Variants in CREB5 observed in about 807,000 individuals in gnomAD.
CREB5 encodes cyclic AMP-responsive element-binding protein 5.
In CREB5, 19 loss-of-function variants were observed where a neutral mutation model predicts 57.1. The observed-to-expected ratio is 0.33, with a 90% confidence interval of 0.23 to 0.49. CREB5 has a LOEUF of 0.49. CREB5 is among the 20% of genes least tolerant of loss of function. CREB5 has a pLI of 0.99. For synonymous variants in CREB5, 238 were observed against 238.3 expected (o/e 1.00, Z 0.01); for missense variants, 579 against 671.6 (o/e 0.86, Z 1.52).
intron 4 of CREB5, among the ~76,000 whole-genome samples, chr7:28,537,463 T>C (rs1045431258): frequency 3.7e-4 from 35 of 95,652 alleles, no homozygotes; most frequent in Admixed American, 7.3e-4. Context: ...GCTCACCTGA[T>C]GCAAATGCCT....
chr7:28,526,715 C>G (rs2128619322), intron 4 of CREB5, among the ~76,000 whole-genome samples: 1 of 152,348 alleles, frequency 6.6e-6, no homozygotes, highest in Non-Finnish European at 1.5e-5. Flanking sequence ...ACTGGCCACG[C>G]TGAGAAGCCG....
intron 4 of CREB5, among the ~76,000 whole-genome samples, chr7:28,511,055 A>C (rs1029243068): frequency 2.0e-5 from 3 of 152,164 alleles, no homozygotes; most frequent in Admixed American, 6.5e-5. Flanking sequence ...AAGATGATAA[A>C]AAACAAACAA....
At chr7:28,363,602 C>T (rs1786531333) in intron 1 of CREB5, among the ~76,000 whole-genome samples, 1 of 151,662 alleles carries the variant, frequency 6.6e-6, no homozygotes, top group African/African-American at 2.4e-5. Context: ...GAATCCCTTA[C>T]TAGATAATAA....
rs1808575895 is a variant in CREB5 at position 28,804,445 on chromosome 7, C to T, written c.949C>T (p.His317Tyr). The change falls in exon 8 of 11, where the codon CAT becomes TAT. Residue 317 changes from histidine (H) to tyrosine (Y), a missense_variant. Coordinates refer to ENST00000357727, the MANE Select transcript of CREB5 (RefSeq NM_182898.4). ...GCAGAACCATCCACATCACCACTCC[C>T]ATTCCCACCTTCATGCACACCCAGC... ...HQQNHPHHHS[H>Y]SHLHAHPAHH... 1.9e-6 allele frequency: 3 copies of T among 1,614,172 alleles called. No homozygotes were observed. Among genetic ancestry groups the T allele is most frequent in the Non-Finnish European group, 2.5e-6 (3 of 1,180,028 alleles).
chr7:28,428,586 G>C (rs1206687527), intron 1 of CREB5, among the ~76,000 whole-genome samples: 1 of 152,194 alleles, frequency 6.6e-6, no homozygotes, highest in Non-Finnish European at 1.5e-5. Context: ...TATTTGACCT[G>C]AGACAAGGAT....
At chr7:28,562,220 G>A (rs576291971) in intron 4 of CREB5, among the ~76,000 whole-genome samples, 1 of 152,246 alleles carries the variant, frequency 6.6e-6, no homozygotes, top group African/African-American at 2.4e-5. Context: ...ACAGTAATGT[G>A]GGAGATGAGA....
chr7:28,691,037 C>T (rs969087381), intron 5 of CREB5, among the ~76,000 whole-genome samples: 1 of 152,160 alleles, frequency 6.6e-6, no homozygotes, highest in Non-Finnish European at 1.5e-5. Flanking sequence ...ATGCTTACTG[C>T]CCTGTGGCAC....
chr7:28,668,093 T>G (rs1482091802), intron 5 of CREB5, among the ~76,000 whole-genome samples: 7 of 152,204 alleles, frequency 4.6e-5, no homozygotes, highest in Admixed American at 4.6e-4. Context: ...ATAGTTAGGT[T>G]GTACCACGTT....
chr7:28,518,266 TTA>T (rs1430654304), intron 4 of CREB5, among the ~76,000 whole-genome samples: 2 of 152,130 alleles, frequency 1.3e-5, no homozygotes, highest in South Asian at 2.1e-4. Flanking sequence ...TTCTGGGGCT[TTA>T]TGTTTGGGTG....
chr7:28,741,535 C>A (rs1248686507), intron 7 of CREB5, among the ~76,000 whole-genome samples: 1 of 152,150 alleles, frequency 6.6e-6, no homozygotes, highest in Non-Finnish European at 1.5e-5. Context: ...TGTTTATCAG[C>A]CGAGATGTGT....
intron 7 of CREB5, among the ~76,000 whole-genome samples, chr7:28,767,198 G>A (rs1806052160): frequency 6.6e-6 from 1 of 152,064 alleles, no homozygotes; most frequent in South Asian, 2.1e-4. Context: ...AAGTAACTTA[G>A]CCCATTTTAA....
chr7:28,706,235 A>T (rs1362826407), intron 5 of CREB5, among the ~76,000 whole-genome samples: 1 of 152,210 alleles, frequency 6.6e-6, no homozygotes, highest in East Asian at 1.9e-4. Context: ...GGTTGCCTGT[A>T]ATCCCAGGCA....
At chr7:28,446,206 G>C (rs1789458515) in intron 1 of CREB5, among the ~76,000 whole-genome samples, 1 of 151,226 alleles carries the variant, frequency 6.6e-6, no homozygotes, top group Non-Finnish European at 1.5e-5. Context: ...GGTCCCCCCA[G>C]CCGCCCCTCC....
At chr7:28,417,915 G>T (rs1378940605) in intron 1 of CREB5, among the ~76,000 whole-genome samples, 4 of 152,216 alleles carry the variant, frequency 2.6e-5, no homozygotes, top group Non-Finnish European at 5.9e-5. Context: ...ACTTTCAAAC[G>T]TGGGTGTTTT....
intron 5 of CREB5, among the ~76,000 whole-genome samples, chr7:28,604,121 G>T (rs1451070859): frequency 6.6e-6 from 1 of 152,082 alleles, no homozygotes; most frequent in Non-Finnish European, 1.5e-5. Context: ...GGGAAAAAAA[G>T]AAAATTAGAA....
At chr7:28,407,966 T>C (rs1787621852), upstream of CREB5, among the ~76,000 whole-genome samples, 1 of 152,236 alleles carries the variant, frequency 6.6e-6, no homozygotes, top group African/African-American at 2.4e-5. Context: ...GATTATTGTT[T>C]ATTAACGAGG....
chr7:28,682,762 T>C (rs1800668256), intron 5 of CREB5, among the ~76,000 whole-genome samples: 1 of 152,168 alleles, frequency 6.6e-6, no homozygotes, highest in South Asian at 2.1e-4. Context: ...CATAACGTGT[T>C]TGAGCTCAGA....
intron 5 of CREB5, among the ~76,000 whole-genome samples, chr7:28,682,495 G>A (rs1800644770): frequency 6.6e-6 from 1 of 152,130 alleles, no homozygotes; most frequent in Non-Finnish European, 1.5e-5. Flanking sequence ...ACTTTTTTCT[G>A]AATAATTTTT....
rs183995259 is a variant in CREB5, at chr7:28,823,086, T to C, written c.*3807T>C. 1.3e-5 allele frequency: 2 copies of C among 152,614 alleles called. No homozygotes were observed. Among genetic ancestry groups the C allele is most frequent in the African/African-American group, 4.8e-5 (2 of 41,442 alleles). The allele number at this position is 152,614 out of a possible 1,614,324, so 9.5% of individuals were successfully genotyped here. ...TGGTTGTTGCCTGTTAAGTAAACTT[T>C]AGTGTGTAAGTTGAGTTTGTCATTA... On this transcript the variant is annotated 3_prime_UTR_variant, in exon 11 of 11. Transcript: ENST00000357727.
Sources: gnomAD v4.1 joint callset for allele counts (sites outside exome capture counted in the v4.1 genomes callset) on GRCh38, gnomAD v4.1.1 for gene constraint, MANE v1.5 for transcripts, NCBI Gene and HGNC (gene_info 2026-07-23, HGNC 2026-07-21) for gene names.